The following STIM2 variants were observed in gnomAD, a reference collection of about 807,000 sequenced individuals.
The protein encoded by STIM2 is stromal interaction molecule 2.
In STIM2, 31 loss-of-function variants were observed where a neutral mutation model predicts 85.8. The observed-to-expected ratio is 0.36, with a 90% CI of 0.27 to 0.49. The LOEUF is 0.49. STIM2 is among the 20% of genes least tolerant of loss of function. The pLI, the probability that STIM2 is intolerant of heterozygous loss-of-function variation, is 0.98. For missense variants in STIM2, 841 were observed against 927.6 expected (o/e 0.91, Z 1.21); for synonymous variants, 356 against 331.1 (o/e 1.08, Z -0.82).
rs768483601 is a variant in STIM2 at position 26,861,167 on chromosome 4, G to A, written c.-52G>A. The A allele has an allele frequency of 7.3e-7, 1 of 1,374,622 alleles. No homozygotes were observed. Among genetic ancestry groups the A allele is most frequent in the Non-Finnish European group, 9.4e-7 (1 of 1,062,276 alleles). The allele number at this position is 1,374,622 out of a possible 1,614,324, so 85.2% of individuals were successfully genotyped here. On this transcript the variant is annotated 5_prime_UTR_variant, in exon 1 of 12. Transcript: ENST00000467087. ...CTCCTCGGCGCCTTCATCCCGCCTC[G>A]ACTCCTGGCCCAGCGTGGGGCTGGC...
At chr4:26,871,097 T>G (rs1465497671) in intron 1 of STIM2, among the ~76,000 whole-genome samples, 2 of 152,088 alleles carry the variant, frequency 1.3e-5, no homozygotes, top group African/African-American at 2.4e-5. Flanking sequence ...GATGACAGAG[T>G]CAATGCTGGG....
intron 10 of STIM2, among the ~76,000 whole-genome samples, chr4:27,015,704 A>G (rs968879691): frequency 7.3e-5 from 11 of 150,698 alleles, no homozygotes; most frequent in Admixed American, 1.3e-4. Flanking sequence ...ATAAGCTGCC[A>G]TTTCTCTGAT....
intron 1 of STIM2, among the ~76,000 whole-genome samples, chr4:26,891,415 A>T (rs184739240): frequency 5.9e-5 from 9 of 151,982 alleles, no homozygotes; most frequent in Non-Finnish European, 1.2e-4. Flanking sequence ...TAAAACATAA[A>T]CTCTTGCCTG....
rs752911443 is a variant in STIM2 at position 27,002,339 on chromosome 4, A to G, written c.748A>G (p.Lys250Glu). ...AAAAGAACATGTTGCAAAAATGATG[A>G]AAGATTTAGAGAGCTTACAAACTGC... is the stretch of plus-strand genomic sequence containing the variant. Residue 250 changes from lysine (K) to glutamate (E), a missense_variant, in exon 6 of 12, where the codon AAA becomes GAA. By Grantham distance (56) the Lys-to-Glu change is moderately conservative. Transcript: ENST00000467087. 3.1e-6 allele frequency: 5 copies of G among 1,613,510 alleles called. No individual in the cohort carries two copies. The highest frequency in any genetic ancestry group is 1.7e-4 in the Middle Eastern group (1 of 5,874).
intron 1 of STIM2, among the ~76,000 whole-genome samples, chr4:26,886,551 C>T (rs1723258348): frequency 6.6e-6 from 1 of 152,108 alleles, no homozygotes; most frequent in African/African-American, 2.4e-5. Flanking sequence ...GGATGAGACC[C>T]TTCAGGTGGA....
chr4:26,898,319 C>T (rs201891504), intron 1 of STIM2, among the ~76,000 whole-genome samples: 34 of 152,040 alleles, frequency 2.2e-4, no homozygotes, highest in Admixed American at 2.1e-3. Flanking sequence ...ACAAGAATAC[C>T]TCGTAGAAGT....
rs56928089 is a variant in STIM2, at chr4:26,895,041, G to A, written c.152-24463G>A. On this transcript the variant is annotated intron_variant, in intron 1 of 11. Coordinates refer to ENST00000467087, the MANE Select transcript of STIM2 (RefSeq NM_020860.4). ...AGCCTGGCCAACATGGTGAAACTTC[G>A]TCTCTACTAAAAATACAAAAATTAG... is the stretch of plus-strand genomic sequence containing the variant. Among the ~76,000 whole-genome samples, 1,361 of 152,262 alleles carry A rather than the reference G, an allele frequency of 8.9e-3. 28 individuals carry two copies. Among genetic ancestry groups the A allele is most frequent in the African/African-American group, 0.031 (1,301 of 41,548 alleles).
intron 2 of STIM2, among the ~76,000 whole-genome samples, chr4:26,950,368 T>G (rs757760684): frequency 5.9e-5 from 9 of 152,328 alleles, no homozygotes; most frequent in Non-Finnish European, 8.8e-5. Context: ...TAGATAGAAA[T>G]TTTGATTCTC....
intron 1 of STIM2, among the ~76,000 whole-genome samples, chr4:26,897,175 G>A (rs1191431576): frequency 1.3e-5 from 2 of 152,200 alleles, no homozygotes; most frequent in Admixed American, 6.5e-5. Flanking sequence ...ATGTCCAGGA[G>A]TGATGTTTAA....
intron 2 of STIM2, among the ~76,000 whole-genome samples, chr4:26,948,965 T>C (rs1217988001): frequency 6.6e-6 from 1 of 152,162 alleles, no homozygotes; most frequent in Non-Finnish European, 1.5e-5. Context: ...TAAGTGGTGA[T>C]GATAGGTAAG....
intron 10 of STIM2, among the ~76,000 whole-genome samples, chr4:27,014,295 A>C (rs932694015): frequency 6.6e-6 from 1 of 151,796 alleles, no homozygotes; most frequent in South Asian, 2.1e-4. Flanking sequence ...TTTCTCTCAT[A>C]TTATTTTAAG....
chr4:26,943,285 A>C lies in STIM2; in HGVS notation c.283-14327A>C, dbSNP rs547946723. On this transcript the variant is annotated intron_variant, in intron 2 of 11. Transcript: ENST00000467087. ...AAAGGCAAGAAAAATGATTGATTGA[A>C]TCCCCTTATTTACACATATTCAAAA... is the stretch of plus-strand genomic sequence containing the variant. 3.3e-5 allele frequency among the ~76,000 whole-genome samples: 5 copies of C among 152,314 alleles called. No individual in the cohort carries two copies. The South Asian group carries it at 6.2e-4, about 19-fold the overall frequency.
intron 1 of STIM2, among the ~76,000 whole-genome samples, chr4:26,899,551 G>A (rs982523183): frequency 6.6e-6 from 1 of 152,028 alleles, no homozygotes; most frequent in South Asian, 2.1e-4. Flanking sequence ...TTTCTTTGTG[G>A]GAGAAATTCC....
intron 10 of STIM2, among the ~76,000 whole-genome samples, chr4:27,013,863 A>G (rs775847346): frequency 7.2e-5 from 11 of 152,052 alleles, no homozygotes; most frequent in African/African-American, 9.7e-5. Flanking sequence ...TACATTGCCT[A>G]TGGATTGACC....
intron 1 of STIM2, among the ~76,000 whole-genome samples, chr4:26,874,717 AG>A (rs1455231323): frequency 1.3e-5 from 2 of 152,206 alleles, no homozygotes; most frequent in Non-Finnish European, 2.9e-5. Context: ...TGAAATTGGA[AG>A]TAGTAAAATC....
rs144732565 is a variant in STIM2 at position 27,023,380 on chromosome 4, ATCT to A, written c.*389_*391del. The stretch of plus-strand genomic sequence containing the variant: ...GCAAAAATTTCTTGTTTACCAGAGC[ATCT>A]TCTTATCTTTCCACAGAGCTATTTA... On this transcript the variant is annotated 3_prime_UTR_variant, in exon 12 of 12. Transcript: ENST00000467087. 6 of 200,280 alleles carry A rather than the reference ATCT, an allele frequency of 3.0e-5. No homozygotes were observed. In the East Asian group the frequency reaches 5.9e-4, roughly 20 times the overall value. The allele number at this position is 200,280 out of a possible 1,614,324, so 12.4% of individuals were successfully genotyped here.
intron 3 of STIM2, among the ~76,000 whole-genome samples, chr4:26,991,163 A>G (rs1228527021): frequency 6.6e-6 from 1 of 152,192 alleles, no homozygotes; most frequent in Non-Finnish European, 1.5e-5. Context: ...CACAATAGGC[A>G]AGATGTGGAA....
intron 1 of STIM2, among the ~76,000 whole-genome samples, chr4:26,872,148 T>C (rs1553843119): frequency 6.6e-6 from 1 of 152,178 alleles, no homozygotes; most frequent in Non-Finnish European, 1.5e-5. Context: ...TTGAGTGTTA[T>C]TAAGATATTT....
At chr4:27,018,346 G>A (rs936648138) in intron 11 of STIM2, among the ~76,000 whole-genome samples, 6 of 152,134 alleles carry the variant, frequency 3.9e-5, no homozygotes, top group Non-Finnish European at 7.3e-5. Context: ...GCTGCATGGC[G>A]GCTGCTCTCA....
Sources: gnomAD v4.1 joint callset for allele counts (sites outside exome capture counted in the v4.1 genomes callset) on GRCh38, gnomAD v4.1.1 for gene constraint, MANE v1.5 for transcripts, NCBI Gene and HGNC (gene_info 2026-07-23, HGNC 2026-07-21) for gene names.